Variants in USP5 observed in about 807,000 individuals in gnomAD.
USP5 encodes the protein ubiquitin specific peptidase 5.
A neutral mutation model predicts 102.5 loss-of-function variants in USP5; 24 were observed. That is an observed-to-expected ratio of 0.23 (90% CI 0.17 to 0.33). The LOEUF is 0.33. Among genes scored for constraint, USP5 ranks in the 10% least tolerant of loss-of-function variants. USP5 has a pLI of 1.00. For synonymous variants in USP5, 460 were observed against 434.8 expected, an observed-to-expected ratio of 1.06 and a Z score of -0.72; for missense variants, 753 against 1,122.1, an observed-to-expected ratio of 0.67 and a Z score of 4.70.
In USP5 at chr12:6,855,773, A is replaced by G. The variant is rs1003943370; in HGVS notation, c.256A>G (p.Thr86Ala). Residue 86 changes from threonine (T) to alanine (A), a missense_variant, in exon 3 of 20, where the codon ACA becomes GCA. This residue lies in a region of USP5 where 527 missense variants were observed against 816.5 expected (regional missense o/e 0.65). Transcript: ENST00000229268. This position sits in a 1 kb window ranked among gnomAD's most constrained non-coding sequence, Gnocchi z 4.6. ...TTTACAGAAAGAGGAGGACCCTGCT[A>G]CAGGCACTGGAGACCCACCCCGGAA... is the stretch of plus-strand genomic sequence containing the variant. The part of the protein sequence containing the change: ...TRRPKEEDPA[T>A]GTGDPPRKKP... 7 of 1,614,026 alleles carry G rather than the reference A, an allele frequency of 4.3e-6. No homozygotes were observed. Among genetic ancestry groups the G allele is most frequent in the Non-Finnish European group, 5.9e-6 (7 of 1,180,026 alleles).
At chr12:6,862,437 T>G in intron 13 of USP5, 33 bp from the exon 14 acceptor site, 1 of 1,596,314 alleles carries the variant, frequency 6.3e-7, no homozygotes, top group Non-Finnish European at 8.6e-7. Flanking sequence ...CCCTGGGGAT[T>G]GTCTGGGTAC....
In USP5 at chr12:6,860,242, C is replaced by G. The variant is rs374645378; in HGVS notation, c.1218+4C>G. ...GGAGCGGGTGCCAGAACAGAAGGTG[C>G]GTCTAGGACCCTGTCCCTTTCAGGC... On this transcript the variant is annotated splice_donor_region_variant and intron_variant, in intron 10 of 19. Transcript: ENST00000229268. The surrounding 1 kb of genome is among the most constrained non-coding windows in gnomAD (Gnocchi z 5.5). 6 of 1,606,776 alleles carry G rather than the reference C, an allele frequency of 3.7e-6. No homozygotes were observed. Among genetic ancestry groups the G allele is most frequent in the South Asian group, 1.1e-5 (1 of 90,554 alleles).
In USP5 at chr12:6,861,924, G is replaced by C. The variant is rs782413344; in HGVS notation, c.1673+307G>C. Among the ~76,000 whole-genome samples the C allele has an allele frequency of 6.6e-6, 1 of 152,216 alleles. No homozygotes were observed. Among genetic ancestry groups the C allele is most frequent in the East Asian group, 1.9e-4 (1 of 5,176 alleles). On this transcript the variant is annotated intron_variant, in intron 13 of 19. Transcript: ENST00000229268. This position sits in a 1 kb window ranked among gnomAD's most constrained non-coding sequence, Gnocchi z 4.9. ...AGCACAGGCACTTAGGATCAGCTGT[G>C]GGCAGAATTTGGATTTCCAGCAAAT...
intron 1 of USP5, 26 bp downstream of exon 1, chr12:6,852,316 C>G (rs781985947): frequency 1.3e-6 from 2 of 1,586,604 alleles, no homozygotes; most frequent in South Asian, 1.1e-5. Context: ...ACGCCCGCAA[C>G]GAGCACGACT....
rs1262303660 is a variant in USP5, at chr12:6,855,877, C to T, written c.304+56C>T. 2 of 1,611,880 alleles carry T rather than the reference C, an allele frequency of 1.2e-6. No homozygotes were observed. Among genetic ancestry groups the T allele is most frequent in the Non-Finnish European group, 1.7e-6 (2 of 1,178,266 alleles). On this transcript the variant is annotated intron_variant, in intron 3 of 19. Transcript: ENST00000229268. The surrounding 1 kb of genome is among the most constrained non-coding windows in gnomAD (Gnocchi z 4.6). ...CTGAGCTGGTCTTTCTGGCTCTCAG[C>T]AGCACCAGGAAAGCCCCAAAGAGTG... is the stretch of plus-strand genomic sequence containing the variant.
rs782197717 is a variant in USP5, at chr12:6,856,802, G to C, written c.680G>C (p.Ser227Thr). 6.2e-7 allele frequency: 1 copy of C among 1,614,206 alleles called. No homozygotes were observed. The highest frequency in any genetic ancestry group is 8.5e-7 in the Non-Finnish European group (1 of 1,180,040). Residue 227 changes from serine (S) to threonine (T), a missense_variant, in exon 6 of 20, where the codon AGT (serine) becomes ACT (threonine). By Grantham distance (58) the Ser-to-Thr change is moderately conservative (BLOSUM62 1). Transcript: ENST00000229268. The surrounding 1 kb of genome is among the most constrained non-coding windows in gnomAD (Gnocchi z 5.6). ...ILCGRRYFDG[S>T]GGNNHAVEHY... ...TGTGGGCGACGCTACTTCGATGGCA[G>C]TGGGGGCAACAACCACGCTGTGGAG...
At position 6,863,470 on chromosome 12, in the gene USP5, G is replaced by A. The variant is rs1337241304; in HGVS notation, c.1954+93G>A. The A allele has an allele frequency of 1.4e-6, 2 of 1,429,842 alleles. No individual in the cohort carries two copies. The highest frequency in any genetic ancestry group is 1.9e-6 in the Non-Finnish European group (2 of 1,047,244). The allele number at this position is 1,429,842 out of a possible 1,614,324, so 88.6% of individuals were successfully genotyped here. A position where few individuals can be genotyped will look rare whatever the true frequency, so the allele number is the denominator to read the frequency against. The stretch of plus-strand genomic sequence containing the variant: ...TGCCCCTGTCCTTTGTGTTTCTCCT[G>A]TCCTCCCTTTCAAATTTCCTCTGCC... On this transcript the variant is annotated intron_variant, in intron 15 of 19. Transcript: ENST00000229268. The surrounding 1 kb of genome is among the most constrained non-coding windows in gnomAD (Gnocchi z 4.7).
chr12:6,861,674 G>T lies in USP5; in HGVS notation c.1673+57G>T. ...GGTCTATGGCAGAGCTATCCCAGAG[G>T]ATACTTCTGTCTCTTCCCTGTTCTT... On this transcript the variant is annotated intron_variant, in intron 13 of 19. Coordinates refer to ENST00000229268, the MANE Select transcript of USP5 (RefSeq NM_001098536.2). This position sits in a 1 kb window ranked among gnomAD's most constrained non-coding sequence, Gnocchi z 4.9. The T allele has an allele frequency of 7.0e-7, 1 of 1,428,236 alleles. No individual in the cohort carries two copies. Among genetic ancestry groups the T allele is most frequent in the Non-Finnish European group, 9.2e-7 (1 of 1,086,228 alleles). The allele number at this position is 1,428,236 out of a possible 1,614,324, so 88.5% of individuals were successfully genotyped here.
rs1000125271 is a variant in USP5, at chr12:6,859,545, T to G, written c.1130+4T>G. ...CCCAGGATTTCAGCACCCAGGTGTA[T>G]GTAACCAGGTCCTATGTAGGAAAGC... On this transcript the variant is annotated splice_donor_region_variant and intron_variant, in intron 9 of 19. Transcript: ENST00000229268. The G allele has an allele frequency of 2.5e-6, 4 of 1,614,130 alleles. No homozygotes were observed. Among genetic ancestry groups the G allele is most frequent in the South Asian group, 2.2e-5 (2 of 91,080 alleles).
In USP5 at chr12:6,860,624, T is replaced by A; in HGVS notation, c.1344+133T>A. On this transcript the variant is annotated intron_variant, in intron 11 of 19. Coordinates refer to ENST00000229268, the MANE Select transcript of USP5 (RefSeq NM_001098536.2). The surrounding 1 kb of genome is among the most constrained non-coding windows in gnomAD (Gnocchi z 5.5). Reference sequence around the variant, plus strand: ...CAACAGTCTGTGTCCCTGTGAACAGTGCTTGCACCTGAGGAGGACAGTGAA... The same window carrying A: ...CAACAGTCTGTGTCCCTGTGAACAGAGCTTGCACCTGAGGAGGACAGTGAA... 1 of 1,454,550 alleles carries A rather than the reference T, an allele frequency of 6.9e-7. No individual in the cohort carries two copies. The highest frequency in any genetic ancestry group is 9.3e-7 in the Non-Finnish European group (1 of 1,073,620). 90.1% of individuals were successfully genotyped at this position (1,454,550 alleles called of 1,614,324 possible).
In USP5 at chr12:6,863,286, G is replaced by C. The variant is rs1555129950; in HGVS notation, c.1863G>C (p.Leu621=). The C allele has an allele frequency of 6.2e-7, 1 of 1,614,172 alleles. No individual in the cohort carries two copies. Among genetic ancestry groups the C allele is most frequent in the South Asian group, 1.1e-5 (1 of 91,080 alleles). The change falls in exon 15 of 20, where the codon CTG becomes CTC. Residue 621 remains leucine (L), a synonymous_variant. Coordinates refer to ENST00000229268, the MANE Select transcript of USP5 (RefSeq NM_001098536.2). This position sits in a 1 kb window ranked among gnomAD's most constrained non-coding sequence, Gnocchi z 4.7. ...AGCTGCCAGACATTGCCCCACCCCT[G>C]GTCACTCCGGATGAGCCCAAAGGTA... The part of the protein sequence containing the change: ...EEELPDIAPP[L]VTPDEPKGSL...
Position 6,863,794 on chromosome 12 carries a change from A to G in USP5, c.1955-36A>G, listed in dbSNP as rs781920743. 6 of 1,524,912 alleles carry G rather than the reference A, an allele frequency of 3.9e-6. No homozygotes were observed. The highest frequency in any genetic ancestry group is 4.1e-5 in the Admixed American group (2 of 48,352). The allele number at this position is 1,524,912 out of a possible 1,614,324, so 94.5% of individuals were successfully genotyped here. A position where few individuals can be genotyped will look rare whatever the true frequency, so the allele number is the denominator to read the frequency against. On this transcript the variant is annotated intron_variant, in intron 15 of 19. Coordinates refer to ENST00000229268, the MANE Select transcript of USP5 (RefSeq NM_001098536.2). The surrounding 1 kb of genome is among the most constrained non-coding windows in gnomAD (Gnocchi z 4.7). ...GGGAGGAGGAGCAAACAGTGGCCCA[A>G]TCAGTCGGTCCGTGTACCCACAATT...
At position 6,866,057 on chromosome 12, in the gene USP5, T is replaced by TGG; in HGVS notation, c.2557_2558insGG (p.Tyr853TrpfsTer25). Reference sequence around the variant, plus strand: ...CAAGGACCTGGGCTACATCTACTTCTACCAGAGAGTGGCCAGCTAAGAGCC... The same window carrying TGG: ...CAAGGACCTGGGCTACATCTACTTCTGGACCAGAGAGTGGCCAGCTAAGAGCC... On this transcript the variant is annotated frameshift_variant, in exon 20 of 20. Coordinates refer to ENST00000229268, the MANE Select transcript of USP5 (RefSeq NM_001098536.2). LOFTEE classifies it high-confidence loss of function. This position sits in a 1 kb window ranked among gnomAD's most constrained non-coding sequence, Gnocchi z 4.7. 1 of 1,614,102 alleles carries TGG rather than the reference T, an allele frequency of 6.2e-7. No individual in the cohort carries two copies. The highest frequency in any genetic ancestry group is 8.5e-7 in the Non-Finnish European group (1 of 1,180,006).
At chr12:6,857,129 G>GA (rs1403635812) in intron 6 of USP5, among the ~76,000 whole-genome samples, 2 of 150,226 alleles carry the variant, frequency 1.3e-5, no homozygotes, top group Non-Finnish European at 3.0e-5. Flanking sequence ...CTCCAAAAAA[G>GA]AAAAAAAAAG....
In USP5 at chr12:6,856,627, G is replaced by T; in HGVS notation, c.585-80G>T. On this transcript the variant is annotated intron_variant, in intron 5 of 19. Coordinates refer to ENST00000229268, the MANE Select transcript of USP5 (RefSeq NM_001098536.2). This position sits in a 1 kb window ranked among gnomAD's most constrained non-coding sequence, Gnocchi z 5.6. Reference sequence around the variant, plus strand: ...AGAGAGAGACCTTGGATTGGCGGGGGGCCTGCAGAGCCCTCTCTCTCTGCC... The same window carrying T: ...AGAGAGAGACCTTGGATTGGCGGGGTGCCTGCAGAGCCCTCTCTCTCTGCC... 1 of 1,559,042 alleles carries T rather than the reference G, an allele frequency of 6.4e-7. No homozygotes were observed. The highest frequency in any genetic ancestry group is 1.3e-5 in the African/African-American group (1 of 74,204).
Position 6,864,101 on chromosome 12 carries a change from G to A in USP5, c.2150G>A (p.Ser717Asn), listed in dbSNP as rs781808082. Residue 717 changes from serine (S) to asparagine (N), a missense_variant, in exon 17 of 20, where the codon AGC (serine) becomes AAC (asparagine). Physicochemically the swap from Ser to Asn is conservative, Grantham distance 46. Transcript: ENST00000229268. This position sits in a 1 kb window ranked among gnomAD's most constrained non-coding sequence, Gnocchi z 4.8. ...LPGSSGPGST[S>N]AAADPPPEDC... ...GGCTCTAGTGGGCCGGGCTCCACAA[G>A]CGCAGCAGCCGACCCCCCTCCTGAG... is the stretch of plus-strand genomic sequence containing the variant. 14 of 1,613,972 alleles carry A rather than the reference G, an allele frequency of 8.7e-6. No individual in the cohort carries two copies. The South Asian group carries it at 1.2e-4, about 14-fold the overall frequency.
At position 6,853,186 on chromosome 12, in the gene USP5, G is replaced by A. The variant is rs531118465; in HGVS notation, c.111+896G>A. Among the ~76,000 whole-genome samples the A allele has an allele frequency of 2.3e-3, 357 of 152,164 alleles. 2 individuals are homozygous for A. Among genetic ancestry groups the A allele is most frequent in the Non-Finnish European group, 2.6e-3 (177 of 68,010 alleles). On this transcript the variant is annotated intron_variant, in intron 1 of 19. Coordinates refer to ENST00000229268, the MANE Select transcript of USP5 (RefSeq NM_001098536.2). The stretch of plus-strand genomic sequence containing the variant: ...GAAGGCAGCAGCTTGGTTGGGATCC[G>A]CCCCCCTCACCACCCCTCCCCTCAA...
In USP5 at chr12:6,861,107, G is replaced by C; in HGVS notation, c.1498+1G>C. ...CCCATGGATGCAGCCCTTAACAAAG[G>C]TAGGCTGCTCCATCAGCAAGGCCGT... On this transcript the variant is annotated splice_donor_variant, in intron 12 of 19. Coordinates refer to ENST00000229268, the MANE Select transcript of USP5 (RefSeq NM_001098536.2). LOFTEE classifies it high-confidence loss of function. This position sits in a 1 kb window ranked among gnomAD's most constrained non-coding sequence, Gnocchi z 4.9. 6.2e-7 allele frequency: 1 copy of C among 1,614,024 alleles called. No individual in the cohort carries two copies. Among genetic ancestry groups the C allele is most frequent in the Non-Finnish European group, 8.5e-7 (1 of 1,179,940 alleles).
At position 6,858,151 on chromosome 12, in the gene USP5, G is replaced by A. The variant is rs1944174117; in HGVS notation, c.865-273G>A. Among the ~76,000 whole-genome samples the A allele has an allele frequency of 6.6e-6, 1 of 152,102 alleles. No individual in the cohort carries two copies. Among genetic ancestry groups the A allele is most frequent in the South Asian group, 2.1e-4 (1 of 4,822 alleles). ...AACTGACAATGTGAAGGAGGTTAGG[G>A]GTAACTTAAGGATGGGAAAAACATT... is the stretch of plus-strand genomic sequence containing the variant. On this transcript the variant is annotated intron_variant, in intron 7 of 19. Transcript: ENST00000229268. This position sits in a 1 kb window ranked among gnomAD's most constrained non-coding sequence, Gnocchi z 4.2.
Sources: allele counts gnomAD v4.1 joint callset (sites outside exome capture counted in the v4.1 genomes callset), GRCh38; gene constraint gnomAD v4.1.1; regional missense constraint gnomAD v4.1.1; non-coding constraint Gnocchi (gnomAD v3.1); transcripts MANE v1.5; gene names NCBI Gene and HGNC (gene_info 2026-07-23, HGNC 2026-07-21).